Variants in MTARC2 observed in about 807,000 individuals in gnomAD.
MTARC2 encodes the protein MOCO sulphurase C-terminal domain containing 2.
In MTARC2, 27 loss-of-function variants were observed where a neutral mutation model predicts 35.6. The ratio of observed to expected loss-of-function variants is 0.76; its 90% CI spans 0.56 to 1.04. MTARC2 has a LOEUF of 1.04. Ranked by LOEUF, MTARC2 falls within the 50% of genes least tolerant of loss-of-function variation. The pLI is 0.00. For synonymous variants in MTARC2, 158 were observed against 167.1 expected (o/e 0.95, Z 0.42); for missense variants, 412 against 432.5 (o/e 0.95, Z 0.42).
At chr1:220,765,939 T>C (rs116332362) in intron 4 of MTARC2, among the ~76,000 whole-genome samples, 11 of 152,270 alleles carry the variant, frequency 7.2e-5, no homozygotes, top group African/African-American at 1.7e-4. Flanking sequence ...TACATGAGCA[T>C]TGTGACAAGG....
intron 3 of MTARC2, among the ~76,000 whole-genome samples, chr1:220,762,274 C>G (rs72472391): frequency 4.6e-5 from 7 of 152,318 alleles, no homozygotes; most frequent in Admixed American, 3.9e-4. Flanking sequence ...AAACTGTCCC[C>G]TGAGCACCTA....
At chr1:220,765,351 A>C (rs1268861380) in intron 4 of MTARC2, among the ~76,000 whole-genome samples, 1 of 152,236 alleles carries the variant, frequency 6.6e-6, no homozygotes, top group Non-Finnish European at 1.5e-5. Context: ...GCTGGAGGCC[A>C]CCACACCAAG....
rs377067688 is a variant in MTARC2 at position 220,756,053 on chromosome 1, A to G, written c.446+933A>G. On this transcript the variant is annotated intron_variant, in intron 2 of 7. Transcript: ENST00000366913. The stretch of plus-strand genomic sequence containing the variant: ...GCGGCCTCTGAAGTGTGTGGTTGAG[A>G]TGAAGACATATTCCTTGGGTGTAAG... Among the ~76,000 whole-genome samples, 4 of 152,308 alleles carry G rather than the reference A, an allele frequency of 2.6e-5. 1 individual carries two copies. The East Asian group carries it at 7.7e-4, about 29-fold the overall frequency.
chr1:220,765,641 C>T (rs1392244751), intron 4 of MTARC2, among the ~76,000 whole-genome samples: 2 of 148,672 alleles, frequency 1.3e-5, no homozygotes, highest in African/African-American at 2.4e-5. Flanking sequence ...GGTGCAATCA[C>T]GGCTCACTGC....
chr1:220,776,176 C>T (rs1671906500), intron 4 of MTARC2, among the ~76,000 whole-genome samples: 1 of 152,150 alleles, frequency 6.6e-6, no homozygotes. Context: ...TCTCCACAGC[C>T]TCGCCACCTG....
At chr1:220,758,205 G>A (rs6683301) in intron 2 of MTARC2, among the ~76,000 whole-genome samples, 15,552 of 151,744 alleles carry the variant, frequency 0.1, 1,664 homozygotes, top group African/African-American at 0.26. Context: ...CCATGGTCTC[G>A]ATCTCCTGAC....
rs528106293 is a variant in MTARC2 at position 220,763,161 on chromosome 1, C to T, written c.750+111C>T. ...AGATCCGCCAGGGTCCAGTCATTCA[C>T]TCATTGCTGCTGCCATCACTCATTG... On this transcript the variant is annotated intron_variant, in intron 4 of 7. Transcript: ENST00000366913. The T allele has an allele frequency of 4.4e-5, 62 of 1,410,408 alleles. No homozygotes were observed. The African/African-American group carries it at 7.8e-4, about 18-fold the overall frequency. 87.4% of individuals were successfully genotyped at this position (1,410,408 alleles called of 1,614,324 possible). A position where few individuals can be genotyped will look rare whatever the true frequency, so the allele number is the denominator to read the frequency against.
At chr1:220,761,316 T>A (rs1671429438) in intron 2 of MTARC2, among the ~76,000 whole-genome samples, 1 of 152,210 alleles carries the variant, frequency 6.6e-6, no homozygotes. Context: ...CCTCTCCTCT[T>A]GTGAAAGTGT....
chr1:220,757,886 C>T (rs551022899), intron 2 of MTARC2, among the ~76,000 whole-genome samples: 9 of 152,276 alleles, frequency 5.9e-5, no homozygotes, highest in Admixed American at 4.6e-4. Context: ...TAACATAAAC[C>T]AACAACCTCA....
chr1:220,772,721 TG>T, intron 4 of MTARC2, among the ~76,000 whole-genome samples: 1 of 151,980 alleles, frequency 6.6e-6, no homozygotes, highest in East Asian at 1.9e-4. Context: ...TGTGTGTGTT[TG>T]GGGGCAGTGG....
At chr1:220,774,611 G>A (rs969114720) in intron 4 of MTARC2, among the ~76,000 whole-genome samples, 1 of 152,164 alleles carries the variant, frequency 6.6e-6, no homozygotes, top group South Asian at 2.1e-4. Flanking sequence ...GTGGTGGCAG[G>A]AGGCTCAAGG....
intron 4 of MTARC2, among the ~76,000 whole-genome samples, chr1:220,776,419 T>C (rs1374948991): frequency 6.6e-6 from 1 of 152,100 alleles, no homozygotes; most frequent in East Asian, 1.9e-4. Context: ...CATTATTAAA[T>C]TTATTTTAAT....
chr1:220,777,583 A>G (rs1384838776), intron 4 of MTARC2, among the ~76,000 whole-genome samples: 2 of 152,190 alleles, frequency 1.3e-5, no homozygotes, highest in African/African-American at 4.8e-5. Context: ...TTAGACTCAC[A>G]GTCTATGTTG....
At chr1:220,772,512 C>T (rs1438913556) in intron 4 of MTARC2, among the ~76,000 whole-genome samples, 1 of 152,058 alleles carries the variant, frequency 6.6e-6, no homozygotes, top group Non-Finnish European at 1.5e-5. Context: ...TGAGGGTTTC[C>T]TAGTGCTAGT....
rs1008228539 is a variant in MTARC2 at position 220,755,056 on chromosome 1, C to T, written c.382C>T (p.Pro128Ser). The T allele has an allele frequency of 3.1e-6, 5 of 1,612,960 alleles. No individual in the cohort carries two copies. The highest frequency in any genetic ancestry group is 4.2e-6 in the Non-Finnish European group (5 of 1,179,566). Residue 128 changes from proline (P) to serine (S), a missense_variant, in exon 2 of 8, where the codon CCA becomes TCA. Pro to Ser is a moderately conservative substitution (Grantham distance 74). Coordinates refer to ENST00000366913, the MANE Select transcript of MTARC2 (RefSeq NM_017898.5). ...GAATAACTGCCTGATCTTCAGGGCTCCAGACATGGACCAGCTGGTTTTGCC... is the reference window on the plus strand; with the variant it reads ...GAATAACTGCCTGATCTTCAGGGCTTCAGACATGGACCAGCTGGTTTTGCC... ...YENNCLIFRAPDMDQLVLPSK... is the reference protein window; with the variant it reads ...YENNCLIFRASDMDQLVLPSK...
intron 2 of MTARC2, among the ~76,000 whole-genome samples, chr1:220,759,212 AAG>A (rs1445298396): frequency 1.3e-5 from 2 of 152,170 alleles, no homozygotes; most frequent in East Asian, 3.8e-4. Flanking sequence ...TTTTCTTTGT[AAG>A]AGTCTATTCA....
At chr1:220,750,226 C>T (rs1671093605) in intron 1 of MTARC2, among the ~76,000 whole-genome samples, 1 of 152,194 alleles carries the variant, frequency 6.6e-6, no homozygotes, top group African/African-American at 2.4e-5. Flanking sequence ...ATAAGAAAAG[C>T]CTTCCTATTA....
Position 220,771,731 on chromosome 1 carries a change from C to T in MTARC2, c.751-8287C>T, listed in dbSNP as rs899257186. On this transcript the variant is annotated intron_variant, in intron 4 of 7. Transcript: ENST00000366913. ...CGCATAAAAATTCCTCATTGGGTAA[C>T]AGCGCCCACCAGGGCCTCTCGGGGG... 5.3e-5 allele frequency among the ~76,000 whole-genome samples: 8 copies of T among 151,696 alleles called. No individual in the cohort carries two copies. In the South Asian group the frequency reaches 1.7e-3, roughly 32 times the overall value.
At chr1:220,760,455 GT>G (rs1170575854) in intron 2 of MTARC2, among the ~76,000 whole-genome samples, 1 of 152,132 alleles carries the variant, frequency 6.6e-6, no homozygotes. Context: ...CTATCTATTT[GT>G]TTGTGTGAAA....
Sources: allele counts gnomAD v4.1 joint callset (sites outside exome capture counted in the v4.1 genomes callset), GRCh38; gene constraint gnomAD v4.1.1; transcripts MANE v1.5; gene names NCBI Gene and HGNC (gene_info 2026-07-23, HGNC 2026-07-21).